Variants in MMADHC observed in about 807,000 individuals in gnomAD.
MMADHC encodes the protein cobalamin trafficking protein CblD.
In MMADHC, 23 loss-of-function variants were observed where a neutral mutation model predicts 36.3. That is an observed-to-expected ratio of 0.63 (90% CI 0.46 to 0.90). MMADHC has a LOEUF of 0.90. Among genes scored for constraint, MMADHC ranks in the 40% least tolerant of loss-of-function variants. The pLI is 0.00. For missense variants in MMADHC, 330 were observed against 348.0 expected (o/e 0.95, Z 0.41); for synonymous variants, 97 against 116.1 (o/e 0.84, Z 1.06).
chr2:149,572,965 C>A (rs1308224921), intron 6 of MMADHC, among the ~76,000 whole-genome samples: 1 of 152,110 alleles, frequency 6.6e-6, no homozygotes, highest in Non-Finnish European at 1.5e-5. Flanking sequence ...TGATCCGGTG[C>A]CTGTTTGGAT....
intron 2 of MMADHC, among the ~76,000 whole-genome samples, chr2:149,583,584 C>T (rs573554206): frequency 9.3e-4 from 141 of 152,138 alleles, no homozygotes; most frequent in African/African-American, 3.2e-3. Context: ...CCACTAAGGG[C>T]AGTATAAAAA....
At chr2:149,586,265 C>T (rs1682867273) in intron 2 of MMADHC, among the ~76,000 whole-genome samples, 1 of 152,172 alleles carries the variant, frequency 6.6e-6, no homozygotes, top group Non-Finnish European at 1.5e-5. Flanking sequence ...TTACTTGGTA[C>T]CAACCTCACA....
At position 149,575,760 on chromosome 2, in the gene MMADHC, G is replaced by A; in HGVS notation, c.560C>T (p.Thr187Ile). The change falls in exon 6 of 8, where the codon ACT (threonine) becomes ATT (isoleucine). Residue 187 changes from threonine (T) to isoleucine (I), a missense_variant. Transcript: ENST00000303319. ...AATTTCTACTTCTTCACTCCAAACA[G>A]TCATATCATTCTTAGTTTTTTGTGT... Reference protein sequence around the residue: ...TVTQKTKNDMTVWSEEVEIER... With the variant: ...TVTQKTKNDMIVWSEEVEIER... The A allele has an allele frequency of 6.2e-7, 1 of 1,609,598 alleles. No homozygotes were observed. Among genetic ancestry groups the A allele is most frequent in the Non-Finnish European group, 8.5e-7 (1 of 1,177,120 alleles).
At chr2:149,572,346 A>AAAAAAAAAAAC in intron 6 of MMADHC, 1 of 320,146 alleles carries the variant, frequency 3.1e-6, no homozygotes, top group Non-Finnish European at 6.1e-6. Flanking sequence ...AAAAAAAAAA[A>AAAAAAAAAAAC]ATCAAGGGCA....
intron 2 of MMADHC, among the ~76,000 whole-genome samples, chr2:149,582,889 A>T (rs1489489873): frequency 6.6e-6 from 1 of 152,044 alleles, no homozygotes; most frequent in Non-Finnish European, 1.5e-5. Context: ...ACAATCTTTC[A>T]TTCATAAATT....
chr2:149,587,273 C>G, intron 1 of MMADHC, 124 bp from the exon 2 acceptor site: 1 of 674,710 alleles, frequency 1.5e-6, no homozygotes. Context: ...CAAGCTCTCC[C>G]CGTACCCTAA....
At chr2:149,583,330 G>C (rs530736801) in intron 2 of MMADHC, among the ~76,000 whole-genome samples, 1 of 152,230 alleles carries the variant, frequency 6.6e-6, no homozygotes, top group South Asian at 2.1e-4. Context: ...ATTTCAATGA[G>C]TGACTTTCAG....
intron 6 of MMADHC, among the ~76,000 whole-genome samples, chr2:149,574,153 T>G (rs1038106162): frequency 6.6e-6 from 1 of 152,186 alleles, no homozygotes; most frequent in East Asian, 1.9e-4. Flanking sequence ...GGAGTCAGTA[T>G]CAAATTAGGT....
intron 1 of MMADHC, chr2:149,587,385 G>T: frequency 1.9e-6 from 1 of 526,326 alleles, no homozygotes; most frequent in Non-Finnish European, 3.4e-6. Context: ...AAAACAACTC[G>T]GACCAGATCC....
At chr2:149,580,516 G>T (rs953380221) in intron 3 of MMADHC, among the ~76,000 whole-genome samples, 1 of 152,068 alleles carries the variant, frequency 6.6e-6, no homozygotes, top group Non-Finnish European at 1.5e-5. Context: ...ATTCAGAAAA[G>T]AATAAAGTAG....
Position 149,582,145 on chromosome 2 carries a change from C to G in MMADHC, c.136G>C (p.Ala46Pro), listed in dbSNP as rs749521854. ...SSGSDESHVA[A>P]APPDICSRTV... ...CACTTACATATATCTGGAGGTGCAG[C>G]AGCCACATGAGACTCATCCGAACCT... The change falls in exon 3 of 8, where the codon GCT becomes CCT. Residue 46 changes from alanine to proline, a missense_variant. Coordinates refer to ENST00000303319, the MANE Select transcript of MMADHC (RefSeq NM_015702.3). 1.9e-6 allele frequency: 3 copies of G among 1,613,878 alleles called. No homozygotes were observed. The highest frequency in any genetic ancestry group is 3.3e-5 in the Admixed American group (2 of 60,008).
chr2:149,584,549 G>T (rs139379004), intron 2 of MMADHC, among the ~76,000 whole-genome samples: 1 of 152,168 alleles, frequency 6.6e-6, no homozygotes, highest in East Asian at 1.9e-4. Context: ...AAGGCCATTA[G>T]ATTATATTTT....
chr2:149,571,553 A>G (rs1223410788), intron 6 of MMADHC, among the ~76,000 whole-genome samples: 2 of 152,112 alleles, frequency 1.3e-5, no homozygotes, highest in Admixed American at 1.3e-4. Context: ...GTATTTTAAT[A>G]GAAATAGGTG....
In MMADHC at chr2:149,579,636, A is replaced by G. The variant is rs1176730276; in HGVS notation, c.167T>C (p.Val56Ala). The G allele has an allele frequency of 6.2e-7, 1 of 1,613,696 alleles. No individual in the cohort carries two copies. Among genetic ancestry groups the G allele is most frequent in the Non-Finnish European group, 8.5e-7 (1 of 1,179,870 alleles). The change falls in exon 4 of 8, where the codon GTG (valine) becomes GCG (alanine). Residue 56 changes from valine (V) to alanine (A), a missense_variant. Transcript: ENST00000303319. Reference protein sequence around the residue: ...AAPPDICSRTVWPDETMGPFG... With the variant: ...AAPPDICSRTAWPDETMGPFG... Reference sequence around the variant, plus strand: ...GGGTCCCATAGTTTCATCAGGCCACACTGTTCGAGAGCCTGAAGAGAAACA... The same window carrying G: ...GGGTCCCATAGTTTCATCAGGCCACGCTGTTCGAGAGCCTGAAGAGAAACA...
At chr2:149,577,619 T>C (rs748561195) in intron 4 of MMADHC, among the ~76,000 whole-genome samples, 11 of 151,274 alleles carry the variant, frequency 7.3e-5, no homozygotes, top group Non-Finnish European at 1.6e-4. Context: ...GAGGCAGAGG[T>C]TGCAGTGAGC....
chr2:149,575,958 G>T, intron 5 of MMADHC, 117 bp from the exon 6 acceptor site: 3 of 744,752 alleles, frequency 4.0e-6, no homozygotes, highest in Non-Finnish European at 6.5e-6. Context: ...AATTACTGTG[G>T]TATTAGTTAA....
At chr2:149,571,210 T>C (rs753041116) in intron 6 of MMADHC, 39 bp from the exon 7 acceptor site, 2 of 1,206,858 alleles carry the variant, frequency 1.7e-6, no homozygotes, top group South Asian at 3.0e-5. Context: ...TAAGATAGCA[T>C]TACTAGAGAT....
intron 6 of MMADHC, among the ~76,000 whole-genome samples, chr2:149,573,354 C>T (rs1682671132): frequency 1.3e-5 from 2 of 152,172 alleles, no homozygotes; most frequent in South Asian, 2.1e-4. Flanking sequence ...TGTTTTAACC[C>T]TGTAAGGAAA....
Position 149,579,426 on chromosome 2 carries a change from T to C in MMADHC, c.372+5A>G. 1 of 1,606,928 alleles carries C rather than the reference T, an allele frequency of 6.2e-7. No individual in the cohort carries two copies. Among genetic ancestry groups the C allele is most frequent in the Non-Finnish European group, 8.5e-7 (1 of 1,175,302 alleles). On this transcript the variant is annotated splice_donor_5th_base_variant and intron_variant, in intron 4 of 7. Coordinates refer to ENST00000303319, the MANE Select transcript of MMADHC (RefSeq NM_015702.3). ...AAAGCACAATAAATGTTACCAACAA[T>C]TTACCTGAAATTCATTCACATATTG...
Sources: gnomAD v4.1 joint callset for allele counts (sites outside exome capture counted in the v4.1 genomes callset) on GRCh38, gnomAD v4.1.1 for gene constraint, MANE v1.5 for transcripts, NCBI Gene and HGNC (gene_info 2026-07-23, HGNC 2026-07-21) for gene names.